The following SLC1A2 variants were observed in gnomAD, a reference collection of about 807,000 sequenced individuals.
The protein encoded by SLC1A2 is solute carrier family 1 member 2, also known as excitatory amino acid transporter 2.
A neutral mutation model predicts 48.8 loss-of-function variants in SLC1A2; 15 were observed. The ratio of observed to expected loss-of-function variants is 0.31; its 90% CI spans 0.21 to 0.47. The LOEUF is 0.47. Among genes scored for constraint, SLC1A2 ranks in the 20% least tolerant of loss-of-function variants. SLC1A2 has a pLI of 0.99. For missense variants in SLC1A2, 502 were observed against 730.5 expected, an observed-to-expected ratio of 0.69 and a Z score of 3.61; for synonymous variants, 279 against 272.6, an observed-to-expected ratio of 1.02 and a Z score of -0.23.
chr11:35,311,634 C>T (rs1367830665), intron 4 of SLC1A2, among the ~76,000 whole-genome samples: 1 of 152,108 alleles, frequency 6.6e-6, no homozygotes, highest in Non-Finnish European at 1.5e-5. Flanking sequence ...GCATGTATTA[C>T]TTCCACAATT....
At chr11:35,396,987 C>T (rs935617501) in intron 1 of SLC1A2, among the ~76,000 whole-genome samples, 1 of 150,334 alleles carries the variant, frequency 6.7e-6, no homozygotes, top group African/African-American at 2.5e-5. Flanking sequence ...TGAAGGACCT[C>T]TTCAAGGAGA....
At chr11:35,405,529 C>G (rs1325424717) in intron 1 of SLC1A2, among the ~76,000 whole-genome samples, 1 of 151,490 alleles carries the variant, frequency 6.6e-6, no homozygotes, top group Non-Finnish European at 1.5e-5. Context: ...TTTTCCTTTA[C>G]AAAGAACAAT....
At chr11:35,286,381 C>G (rs1218935385) in intron 8 of SLC1A2, 1 of 158,448 alleles carries the variant, frequency 6.3e-6, no homozygotes, top group African/African-American at 2.4e-5. Flanking sequence ...CCTGCCAAAT[C>G]ATTACTGATG....
intron 1 of SLC1A2, among the ~76,000 whole-genome samples, chr11:35,377,726 G>A (rs1854290061): frequency 6.6e-6 from 1 of 152,182 alleles, no homozygotes; most frequent in African/African-American, 2.4e-5. Context: ...AGATAGGCCT[G>A]AATAGGCATA....
intron 1 of SLC1A2, among the ~76,000 whole-genome samples, chr11:35,412,793 C>T (rs1855500968): frequency 6.6e-6 from 1 of 152,194 alleles, no homozygotes; most frequent in Non-Finnish European, 1.5e-5. Context: ...AAAGCACATA[C>T]CCAAGGCTCA....
At chr11:35,332,908 CAG>C (rs754269733) in intron 1 of SLC1A2, among the ~76,000 whole-genome samples, 3 of 152,208 alleles carry the variant, frequency 2.0e-5, no homozygotes, top group Non-Finnish European at 2.9e-5. Context: ...CCATACTCTT[CAG>C]AGTCTCTCTC....
chr11:35,311,117 C>T (rs915872729), intron 4 of SLC1A2, among the ~76,000 whole-genome samples: 5 of 152,016 alleles, frequency 3.3e-5, no homozygotes, highest in African/African-American at 4.8e-5. Context: ...TCAGATGTAA[C>T]GTTTTATGAA....
At chr11:35,261,782 G>A (rs1316665152) in intron 10 of SLC1A2, 9 of 398,476 alleles carry the variant, frequency 2.3e-5, no homozygotes, top group Admixed American at 1.8e-4. Context: ...CGTGACAAAC[G>A]CAGTAATGTT....
chr11:35,388,257 G>A (rs1854646380), intron 1 of SLC1A2, among the ~76,000 whole-genome samples: 1 of 152,228 alleles, frequency 6.6e-6, no homozygotes, highest in Non-Finnish European at 1.5e-5. Flanking sequence ...TATTTAAAAT[G>A]TCTTTCATCC....
intron 1 of SLC1A2, among the ~76,000 whole-genome samples, chr11:35,328,731 C>T (rs1012256366): frequency 6.6e-6 from 1 of 152,158 alleles, no homozygotes; most frequent in African/African-American, 2.4e-5. Flanking sequence ...GGAAGGATCC[C>T]AGAGAGAAGA....
At chr11:35,402,510 T>G in intron 1 of SLC1A2, among the ~76,000 whole-genome samples, 1 of 152,214 alleles carries the variant, frequency 6.6e-6, no homozygotes. Context: ...AGTTGTATCC[T>G]TTATAATAAA....
intron 1 of SLC1A2, among the ~76,000 whole-genome samples, chr11:35,402,331 A>G (rs759350011): frequency 6.6e-6 from 1 of 152,146 alleles, no homozygotes; most frequent in Non-Finnish European, 1.5e-5. Flanking sequence ...AATCAATCAT[A>G]CCTAATAATG....
At chr11:35,277,955 C>T (rs149828892) in intron 9 of SLC1A2, among the ~76,000 whole-genome samples, 49 of 152,282 alleles carry the variant, frequency 3.2e-4, no homozygotes, top group African/African-American at 1.0e-3. Flanking sequence ...TCTCACAATC[C>T]TTCTCACCCA....
intron 1 of SLC1A2, among the ~76,000 whole-genome samples, chr11:35,410,382 C>T (rs1396993483): frequency 6.6e-6 from 1 of 152,128 alleles, no homozygotes; most frequent in African/African-American, 2.4e-5. Flanking sequence ...TAATGTTATT[C>T]CTCCTGACTA....
intron 9 of SLC1A2, among the ~76,000 whole-genome samples, chr11:35,278,273 G>GTT (rs35889672): frequency 1.7e-4 from 15 of 88,640 alleles, no homozygotes; most frequent in Non-Finnish European, 2.3e-4. Context: ...GTTTTTTTTT[G>GTT]TTTTTTTTTT....
intron 5 of SLC1A2, among the ~76,000 whole-genome samples, chr11:35,304,055 G>A (rs908004129): frequency 3.3e-5 from 5 of 152,132 alleles, no homozygotes; most frequent in East Asian, 3.8e-4. Context: ...GATGGAAACC[G>A]TATTCAGCTT....
intron 1 of SLC1A2, among the ~76,000 whole-genome samples, chr11:35,355,991 A>C (rs879618155): frequency 3.3e-5 from 5 of 152,224 alleles, no homozygotes; most frequent in African/African-American, 7.2e-5. Flanking sequence ...GATGGATAAC[A>C]ACACTGTCCA....
Position 35,292,409 on chromosome 11 carries a change from G to T in SLC1A2, c.969C>A (p.Gly323=). Reference sequence around the variant, plus strand: ...GAAAGATGCCCCCGTGGATGATGAGGCCTATGATCACTGTTACCATGTACA... The same window carrying T: ...GAAAGATGCCCCCGTGGATGATGAGTCCTATGATCACTGTTACCATGTACA... The part of the protein sequence containing the change: ...LGMYMVTVII[G]LIIHGGIFLP... The change falls in exon 7 of 11, where the codon GGC becomes GGA. Residue 323 remains glycine, a synonymous_variant. Transcript: ENST00000278379. 1 of 1,613,420 alleles carries T rather than the reference G, an allele frequency of 6.2e-7. No individual in the cohort carries two copies. Among genetic ancestry groups the T allele is most frequent in the South Asian group, 1.1e-5 (1 of 91,058 alleles).
Position 35,292,512 on chromosome 11 carries a change from G to A in SLC1A2, c.866C>T (p.Pro289Leu), listed in dbSNP as rs781379291. 6.2e-7 allele frequency: 1 copy of A among 1,609,514 alleles called. No individual in the cohort carries two copies. The highest frequency in any genetic ancestry group is 8.5e-7 in the Non-Finnish European group (1 of 1,176,566). The change falls in exon 7 of 11, where the codon CCC becomes CTC. Residue 289 changes from proline to leucine, a missense_variant. Physicochemically the swap from Pro to Leu is moderately conservative, Grantham distance 98. Around this residue, in one of 4 missense-constraint regions of SLC1A2, gnomAD observed 309 missense variants for 480.3 expected, o/e 0.64. Coordinates refer to ENST00000278379, the MANE Select transcript of SLC1A2 (RefSeq NM_004171.4). ...ACAGATCAGGCAGGCGATACCCAGG[G>A]GAGAGTACCTGAAAAACACAAAAGG... ...KLVIMIMWYS[P>L]LGIACLICGK...
Sources: allele counts gnomAD v4.1 joint callset (sites outside exome capture counted in the v4.1 genomes callset), GRCh38; gene constraint gnomAD v4.1.1; regional missense constraint gnomAD v4.1.1; transcripts MANE v1.5; gene names NCBI Gene and HGNC (gene_info 2026-07-23, HGNC 2026-07-21).